ZNF804B: variants seen among roughly 807,000 people sequenced by gnomAD.
ZNF804B encodes zinc finger 804B.
A neutral mutation model predicts 101.4 loss-of-function variants in ZNF804B; 80 were observed. The observed-to-expected ratio is 0.79, with a 90% CI of 0.66 to 0.95. The LOEUF is 0.95. Among genes scored for constraint, ZNF804B ranks in the 40% least tolerant of loss-of-function variants. ZNF804B has a pLI of 0.00. For missense variants in ZNF804B, 1,673 were observed against 1,561.9 expected (o/e 1.07, Z -1.20); for synonymous variants, 622 against 558.8 (o/e 1.11, Z -1.59).
intron 2 of ZNF804B, among the ~76,000 whole-genome samples, chr7:89,313,515 A>C (rs753068442): frequency 2.0e-5 from 3 of 152,182 alleles, no homozygotes; most frequent in African/African-American, 4.8e-5. Flanking sequence ...ATGATATTGA[A>C]AATATTACTA....
chr7:89,332,770 T>C (rs899937136), intron 3 of ZNF804B, among the ~76,000 whole-genome samples: 6 of 151,800 alleles, frequency 4.0e-5, no homozygotes, highest in Non-Finnish European at 8.8e-5. Flanking sequence ...TGAAGGTATT[T>C]AGATAGATTG....
chr7:89,292,229 G>C (rs575645371), intron 2 of ZNF804B, among the ~76,000 whole-genome samples: 3 of 152,228 alleles, frequency 2.0e-5, no homozygotes, highest in African/African-American at 7.2e-5. Context: ...ACTGGTAACA[G>C]TAAGTACACA....
chr7:89,335,557 A>G lies in ZNF804B; in HGVS notation c.2575A>G (p.Ile859Val), dbSNP rs774156300. ...GCACGACAGATTGGACTCTTACTCA[A>G]TAGAGAAAATGTATTACTTGAATAA... Reference protein sequence around the residue: ...TQHDRLDSYSIEKMYYLNKSK... With the variant: ...TQHDRLDSYSVEKMYYLNKSK... The change falls in exon 4 of 4, where the codon ATA becomes GTA. Residue 859 changes from isoleucine to valine, a missense_variant. Physicochemically the swap from Ile to Val is conservative, Grantham distance 29. Transcript: ENST00000333190. The G allele has an allele frequency of 6.2e-7, 1 of 1,613,962 alleles. No individual in the cohort carries two copies. Among genetic ancestry groups the G allele is most frequent in the East Asian group, 2.2e-5 (1 of 44,858 alleles).
intron 1 of ZNF804B, among the ~76,000 whole-genome samples, chr7:88,933,344 G>A (rs929676931): frequency 3.3e-5 from 5 of 151,674 alleles, no homozygotes; most frequent in Admixed American, 3.3e-4. Context: ...ATTGAATCAG[G>A]AAAAGTTGAA....
rs1040769748 is a variant in ZNF804B at position 89,063,862 on chromosome 7, G to A, written c.109-154293G>A. 5.9e-5 allele frequency among the ~76,000 whole-genome samples: 9 copies of A among 152,054 alleles called. No individual in the cohort carries two copies. The South Asian group carries it at 1.5e-3, about 25-fold the overall frequency. The stretch of plus-strand genomic sequence containing the variant: ...TGCGTCAATAGCTAGGACTGTCCTC[G>A]GTGTTGGTTACAGCCAGTGGAGAAA... On this transcript the variant is annotated intron_variant, in intron 1 of 3. Transcript: ENST00000333190.
At chr7:88,868,178 A>G (rs1243790503) in intron 1 of ZNF804B, among the ~76,000 whole-genome samples, 1 of 151,916 alleles carries the variant, frequency 6.6e-6, no homozygotes, top group Non-Finnish European at 1.5e-5. Flanking sequence ...GGTAGTACAT[A>G]GCTTTGGTAA....
chr7:88,850,907 G>C (rs1791442442), intron 1 of ZNF804B, among the ~76,000 whole-genome samples: 1 of 152,050 alleles, frequency 6.6e-6, no homozygotes, highest in African/African-American at 2.4e-5. Flanking sequence ...TGTTTAGAAA[G>C]CCAGAGGAAA....
At chr7:89,266,595 T>C (rs1789800036) in intron 2 of ZNF804B, among the ~76,000 whole-genome samples, 1 of 152,150 alleles carries the variant, frequency 6.6e-6, no homozygotes, top group Non-Finnish European at 1.5e-5. Context: ...TCCTCTTGCA[T>C]GAATAGCCTT....
intron 1 of ZNF804B, among the ~76,000 whole-genome samples, chr7:89,005,646 T>C (rs1030474565): frequency 1.3e-5 from 2 of 152,104 alleles, no homozygotes; most frequent in Non-Finnish European, 2.9e-5. Context: ...GATCCACTTA[T>C]TGACTCTGAT....
intron 1 of ZNF804B, among the ~76,000 whole-genome samples, chr7:88,764,230 A>G (rs759397366): frequency 2.4e-4 from 36 of 152,168 alleles, no homozygotes; most frequent in Non-Finnish European, 2.9e-5. Context: ...AATGGTAGAT[A>G]TATATTTTAT....
At chr7:88,973,808 A>C (rs964357247) in intron 1 of ZNF804B, among the ~76,000 whole-genome samples, 3 of 151,464 alleles carry the variant, frequency 2.0e-5, no homozygotes, top group African/African-American at 7.2e-5. Context: ...ACAGGAATAT[A>C]ATGTGTATAG....
chr7:89,171,098 A>ATT (rs1791217428), intron 1 of ZNF804B, among the ~76,000 whole-genome samples: 1 of 152,210 alleles, frequency 6.6e-6, no homozygotes, highest in Non-Finnish European at 1.5e-5. Context: ...GTCTGCCTCT[A>ATT]GCCTTAACTG....
intron 1 of ZNF804B, among the ~76,000 whole-genome samples, chr7:89,000,041 G>A (rs919079835): frequency 3.3e-5 from 5 of 151,964 alleles, no homozygotes; most frequent in Non-Finnish European, 7.4e-5. Flanking sequence ...ACCAAGAAAA[G>A]ATAAAAAGTT....
chr7:89,133,358 C>T (rs566847199), intron 1 of ZNF804B, among the ~76,000 whole-genome samples: 7 of 151,956 alleles, frequency 4.6e-5, no homozygotes, highest in Non-Finnish European at 8.8e-5. Context: ...TTGTAGAGCC[C>T]ACCTGACTAA....
chr7:89,311,458 C>T (rs1304647168), intron 2 of ZNF804B, among the ~76,000 whole-genome samples: 1 of 152,058 alleles, frequency 6.6e-6, no homozygotes, highest in Non-Finnish European at 1.5e-5. Flanking sequence ...ATGGTATAGA[C>T]TGTGATGGAA....
intron 1 of ZNF804B, among the ~76,000 whole-genome samples, chr7:89,065,737 G>A (rs1010279900): frequency 4.6e-5 from 7 of 152,004 alleles, no homozygotes; most frequent in African/African-American, 1.7e-4. Context: ...GCTTCTAGAG[G>A]CTGGCTGCCT....
intron 1 of ZNF804B, among the ~76,000 whole-genome samples, chr7:89,072,899 A>T (rs908986720): frequency 5.3e-5 from 8 of 152,112 alleles, no homozygotes; most frequent in African/African-American, 1.2e-4. Flanking sequence ...GAGAGCTCAG[A>T]AATGCACCTG....
chr7:89,286,457 C>G lies in ZNF804B; in HGVS notation c.250-40887C>G, dbSNP rs542637329. 3.3e-5 allele frequency among the ~76,000 whole-genome samples: 5 copies of G among 152,282 alleles called. No individual in the cohort carries two copies. In the South Asian group the frequency reaches 1.0e-3, roughly 32 times the overall value. On this transcript the variant is annotated intron_variant, in intron 2 of 3. Coordinates refer to ENST00000333190, the MANE Select transcript of ZNF804B (RefSeq NM_181646.5). ...AACAATTAATTACTACTGGAGAAAACTGCTGAAATATTGTGCATGACTTCA... is the reference window on the plus strand; with the variant it reads ...AACAATTAATTACTACTGGAGAAAAGTGCTGAAATATTGTGCATGACTTCA...
intron 1 of ZNF804B, among the ~76,000 whole-genome samples, chr7:89,210,228 G>T (rs1046479378): frequency 1.3e-5 from 2 of 151,704 alleles, no homozygotes; most frequent in African/African-American, 4.8e-5. Flanking sequence ...TACATATTAT[G>T]CTCTCTTGAC....
Sources: gnomAD v4.1 joint callset for allele counts (sites outside exome capture counted in the v4.1 genomes callset) on GRCh38, gnomAD v4.1.1 for gene constraint, MANE v1.5 for transcripts, NCBI Gene and HGNC (gene_info 2026-07-23, HGNC 2026-07-21) for gene names.